CSMD1: variants seen among roughly 807,000 people sequenced by gnomAD.
CSMD1 encodes the protein CUB and Sushi multiple domains 1, also known as CUB and sushi domain-containing protein 1.
Under a neutral mutation model 417.5 loss-of-function variants are expected in CSMD1, and 213 were observed. The ratio of observed to expected loss-of-function variants is 0.51; its 90% CI spans 0.46 to 0.57. The LOEUF is 0.57. Ranked by LOEUF, CSMD1 falls within the 20% of genes least tolerant of loss-of-function variation. The pLI, the probability that CSMD1 is intolerant of heterozygous loss-of-function variation, is 0.00. For missense variants in CSMD1, 6,923 were observed against 4,529.7 expected, an observed-to-expected ratio of 1.53 and a Z score of -15.17; for synonymous variants, 2,862 against 1,736.8, an observed-to-expected ratio of 1.65 and a Z score of -16.11.
At chr8:4,895,333 C>A (rs1422957960) in intron 1 of CSMD1, among the ~76,000 whole-genome samples, 3 of 152,080 alleles carry the variant, frequency 2.0e-5, no homozygotes, top group Admixed American at 2.0e-4. Flanking sequence ...TCCAATATTT[C>A]AGTTTCTGGA....
Position 4,628,429 on chromosome 8 carries a change from C to T in CSMD1, c.302+8913G>A, listed in dbSNP as rs1022713678. Among the ~76,000 whole-genome samples the T allele has an allele frequency of 4.4e-4, 31 of 70,028 alleles. No individual in the cohort carries two copies. The South Asian group carries it at 4.7e-3, about 11-fold the overall frequency. The allele number at this position is 70,028 out of a possible 152,430, so 45.9% of individuals were successfully genotyped here. A position where few individuals can be genotyped will look rare whatever the true frequency, so the allele number is the denominator to read the frequency against. On this transcript the variant is annotated intron_variant, in intron 2 of 69. Transcript: ENST00000635120. ...ATACACATATATATACATATATATA[C>T]ACATATACACATATATACACATATA...
At chr8:3,020,087 A>C (rs1194992077) in intron 51 of CSMD1, among the ~76,000 whole-genome samples, 1 of 152,190 alleles carries the variant, frequency 6.6e-6, no homozygotes, top group Non-Finnish European at 1.5e-5. Context: ...GCTGTAGGCT[A>C]CCCAGGGTCT....
intron 32 of CSMD1, among the ~76,000 whole-genome samples, chr8:3,200,565 A>T (rs2194360): frequency 0.85 from 128,334 of 150,422 alleles, 55,097 homozygotes; most frequent in Non-Finnish European, 0.9. Flanking sequence ...TCTCAAAAAA[A>T]AATAATAATA....
chr8:4,415,723 A>G (rs1193749784), intron 3 of CSMD1, among the ~76,000 whole-genome samples: 1 of 152,246 alleles, frequency 6.6e-6, no homozygotes, highest in Admixed American at 6.5e-5. Flanking sequence ...GAAGAAATGA[A>G]TGAGCAAATC....
At chr8:3,294,229 C>T (rs1162522696) in intron 25 of CSMD1, among the ~76,000 whole-genome samples, 1 of 110,556 alleles carries the variant, frequency 9.0e-6, no homozygotes, top group African/African-American at 2.5e-5. Context: ...GTCTGTTGGC[C>T]CCTACTGGGG....
chr8:4,954,741 T>C (rs1808976495), intron 1 of CSMD1, among the ~76,000 whole-genome samples: 2 of 152,182 alleles, frequency 1.3e-5, no homozygotes, highest in East Asian at 3.8e-4. Flanking sequence ...GACTGGAGGA[T>C]AAGAGCAATA....
At chr8:4,023,643 G>C (rs1269739349) in intron 4 of CSMD1, among the ~76,000 whole-genome samples, 6 of 148,532 alleles carry the variant, frequency 4.0e-5, no homozygotes, top group African/African-American at 7.5e-5. Flanking sequence ...CTAGAGTGCA[G>C]TGGCGCGATC....
At chr8:3,852,841 G>C (rs1804010584) in intron 5 of CSMD1, among the ~76,000 whole-genome samples, 1 of 151,992 alleles carries the variant, frequency 6.6e-6, no homozygotes, top group African/African-American at 2.4e-5. Context: ...AACCCACCAG[G>C]GATTCCTCTC....
rs1801386214 is a variant in CSMD1, at chr8:4,486,180, C to CATACATATATATATATATACATACAT, written c.303-66116_303-66115insATGTATGTATATATATATATATGTAT. 1.7e-4 allele frequency among the ~76,000 whole-genome samples: 3 copies of CATACATATATATATATATACATACAT among 17,612 alleles called. 1 individual carries two copies. Among genetic ancestry groups the CATACATATATATATATATACATACAT allele is most frequent in the African/African-American group, 6.8e-4 (3 of 4,434 alleles). 11.6% of individuals were successfully genotyped at this position (17,612 alleles called of 152,430 possible). On this transcript the variant is annotated intron_variant, in intron 2 of 69. Transcript: ENST00000635120. ...ATACATACATATATATATATACATA[C>CATACATATATATATATATACATACAT]ATATATATATATATATATACATACA... is the stretch of plus-strand genomic sequence containing the variant.
chr8:4,587,916 A>C (rs1439588432), intron 2 of CSMD1, among the ~76,000 whole-genome samples: 3 of 152,216 alleles, frequency 2.0e-5, no homozygotes, highest in African/African-American at 7.2e-5. Context: ...AATACTTTTA[A>C]ACTCACTTCC....
chr8:4,834,932 G>C (rs185788352), intron 1 of CSMD1, among the ~76,000 whole-genome samples: 4 of 119,198 alleles, frequency 3.4e-5, no homozygotes, highest in African/African-American at 9.5e-5. Flanking sequence ...ACTCCAGCCT[G>C]GGCGACAGGG....
At chr8:4,505,863 C>G (rs193260552) in intron 2 of CSMD1, among the ~76,000 whole-genome samples, 1 of 151,736 alleles carries the variant, frequency 6.6e-6, no homozygotes, top group Non-Finnish European at 1.5e-5. Flanking sequence ...TACAGTGGCG[C>G]GATCTCATCT....
intron 2 of CSMD1, among the ~76,000 whole-genome samples, chr8:4,457,771 G>A (rs1328727100): frequency 2.6e-5 from 4 of 152,046 alleles, no homozygotes; most frequent in African/African-American, 7.2e-5. Context: ...CCTCTTCACT[G>A]GCTGCTTCTC....
intron 8 of CSMD1, among the ~76,000 whole-genome samples, chr8:3,598,535 C>T (rs773747562): frequency 6.6e-6 from 1 of 152,178 alleles, no homozygotes; most frequent in Non-Finnish European, 1.5e-5. Context: ...TGTGACGTCT[C>T]CCCTGAGCCT....
chr8:4,746,983 T>G (rs1810999169), intron 1 of CSMD1, among the ~76,000 whole-genome samples: 2 of 152,240 alleles, frequency 1.3e-5, no homozygotes, highest in South Asian at 4.1e-4. Flanking sequence ...CAGGAATAAT[T>G]TCTCAAGCAG....
chr8:3,905,202 T>C (rs572487169), intron 5 of CSMD1, among the ~76,000 whole-genome samples: 7 of 152,320 alleles, frequency 4.6e-5, no homozygotes, highest in Admixed American at 2.0e-4. Context: ...ATATAAAAGA[T>C]AATATTTTTT....
rs558292666 is a variant in CSMD1, at chr8:3,575,862, C to A, written c.1223-796G>T. ...GAAAGGAGTTTTTTTTTTTTTAAAT[C>A]AATACACATATTTTAGAAATATAAT... On this transcript the variant is annotated intron_variant, in intron 9 of 69. Transcript: ENST00000635120. Among the ~76,000 whole-genome samples the A allele has an allele frequency of 3.3e-5, 5 of 149,602 alleles. No homozygotes were observed. The East Asian group carries it at 5.9e-4, about 18-fold the overall frequency.
chr8:4,036,913 G>T (rs1484529105), intron 3 of CSMD1, among the ~76,000 whole-genome samples: 3 of 151,918 alleles, frequency 2.0e-5, no homozygotes, highest in African/African-American at 7.3e-5. Flanking sequence ...TGCATGTTAG[G>T]CTCATTGGCA....
chr8:4,720,935 C>T (rs948466230), intron 1 of CSMD1, among the ~76,000 whole-genome samples: 3 of 152,126 alleles, frequency 2.0e-5, no homozygotes, highest in Non-Finnish European at 2.9e-5. Flanking sequence ...CGTGAATCTA[C>T]AATTCACCAG....
Sources: gnomAD v4.1 joint callset for allele counts (sites outside exome capture counted in the v4.1 genomes callset) on GRCh38, gnomAD v4.1.1 for gene constraint, MANE v1.5 for transcripts, NCBI Gene and HGNC (gene_info 2026-07-23, HGNC 2026-07-21) for gene names.